The following IFT70A variants were observed in gnomAD, a reference collection of about 807,000 sequenced individuals.
IFT70A encodes intraflagellar transport protein 70A.
the IFT70A span, chr2:177,617,840 C>T: frequency 1.1e-5 from 18 of 1,614,112 alleles, no homozygotes; most frequent in Admixed American, 3.0e-4. Flanking sequence ...TGCAGGGTCA[C>T]AGGGTCCAAC....
chr2:177,617,833 A>AGG, the IFT70A span: 1 of 1,614,208 alleles, frequency 6.2e-7, no homozygotes. Flanking sequence ...CTGGTTGTGC[A>AGG]GGGTCACAGG....
At chr2:177,618,468 C>G in the IFT70A span, 2 of 1,594,236 alleles carry the variant, frequency 1.3e-6, no homozygotes, top group Non-Finnish European at 1.7e-6. Flanking sequence ...GGTACTGCTC[C>G]AGTTCCGGGT....
chr2:177,615,381 A>G, the IFT70A span: 1 of 152,240 alleles, frequency 6.6e-6, no homozygotes, highest in Non-Finnish European at 1.5e-5. Context: ...ACAAAAACTG[A>G]AAGAGGAAGT....
At chr2:177,618,568 C>T in the IFT70A span, 3 of 1,599,288 alleles carry the variant, frequency 1.9e-6, no homozygotes, top group South Asian at 2.2e-5. Context: ...CAGGCCGGCA[C>T]GGCTCCTGGG....
the IFT70A span, chr2:177,615,677 T>TA: frequency 6.6e-6 from 1 of 152,014 alleles, no homozygotes; most frequent in African/African-American, 2.4e-5. Flanking sequence ...ATCCAGGTCA[T>TA]AAAAAAAGAA....
chr2:177,618,289 T>C, the IFT70A span: 16 of 1,614,230 alleles, frequency 9.9e-6, no homozygotes, highest in Non-Finnish European at 1.4e-5. Flanking sequence ...ACTCAGCAGC[T>C]GCTCCACCAG....
the IFT70A span, chr2:177,618,339 G>T: frequency 1.2e-6 from 2 of 1,613,708 alleles, no homozygotes; most frequent in Non-Finnish European, 1.7e-6. Context: ...TATACTTGAT[G>T]GCAGCTTGCA....
chr2:177,614,680 GC>G, the IFT70A span: 3 of 152,116 alleles, frequency 2.0e-5, no homozygotes, highest in Non-Finnish European at 4.4e-5. Flanking sequence ...TCAACTTCCA[GC>G]TATCAGAGAA....
At chr2:177,618,106 T>C in the IFT70A span, 13 of 1,614,072 alleles carry the variant, frequency 8.1e-6, no homozygotes, top group Non-Finnish European at 1.1e-5. Flanking sequence ...TCGGCTGCTG[T>C]AATAGGCCAA....
chr2:177,615,392 TAA>T, the IFT70A span: 1 of 152,200 alleles, frequency 6.6e-6, no homozygotes, highest in Non-Finnish European at 1.5e-5. Context: ...AAGAGGAAGT[TAA>T]GAGAATTATA....
the IFT70A span, chr2:177,618,362 G>T: frequency 6.2e-7 from 1 of 1,613,376 alleles, no homozygotes; most frequent in African/African-American, 1.3e-5. Flanking sequence ...CGGAGGACCC[G>T]GCTGTGGTAG....
chr2:177,614,060 G>A, the IFT70A span: 5 of 152,062 alleles, frequency 3.3e-5, no homozygotes, highest in Non-Finnish European at 7.4e-5. Flanking sequence ...GTTGTAGAAC[G>A]GATTTCAGTA....
the IFT70A span, chr2:177,617,787 C>A: frequency 1.8e-4 from 291 of 1,614,038 alleles, no homozygotes; most frequent in Non-Finnish European, 2.4e-4. Flanking sequence ...GCTTTTCAAA[C>A]CCTTCTGTAG....
At chr2:177,616,092 T>C in the IFT70A span, 2 of 152,184 alleles carry the variant, frequency 1.3e-5, no homozygotes, top group African/African-American at 4.8e-5. Flanking sequence ...CCAAACCTCA[T>C]AACCTGAAAA....
the IFT70A span, chr2:177,616,673 C>A: frequency 2.7e-6 from 4 of 1,461,818 alleles, no homozygotes; most frequent in South Asian, 3.3e-5. Context: ...CGTAAGAAAG[C>A]CATTTTGAAA....
the IFT70A span, chr2:177,613,208 C>G: frequency 6.6e-6 from 1 of 152,154 alleles, no homozygotes; most frequent in African/African-American, 2.4e-5. Flanking sequence ...AGTACAAGAA[C>G]AAAAGTTCTA....
At chr2:177,616,967 C>T in the IFT70A span, 2 of 1,610,882 alleles carry the variant, frequency 1.2e-6, no homozygotes, top group Non-Finnish European at 1.7e-6. Flanking sequence ...GTATCTGTTC[C>T]CAGCTTTTTA....
the IFT70A span, chr2:177,616,946 CATA>C: frequency 1.2e-6 from 2 of 1,606,038 alleles, no homozygotes; most frequent in Admixed American, 3.4e-5. Flanking sequence ...CATCTTTTGG[CATA>C]ATACCAGGTA....
the IFT70A span, chr2:177,618,490 A>T: frequency 6.3e-7 from 1 of 1,585,802 alleles, no homozygotes; most frequent in Non-Finnish European, 8.6e-7. Flanking sequence ...CAGCTGGCCC[A>T]GCTGCTCATA....
Sources: gnomAD v4.1 joint callset for allele counts on GRCh38, gnomAD v4.1.1 for gene constraint, MANE v1.5 for transcripts, NCBI Gene and HGNC (gene_info 2026-07-23, HGNC 2026-07-21) for gene names.